The following GPHN variants were observed in gnomAD, a reference collection of about 807,000 sequenced individuals.
GPHN encodes gephyrin.
GPHN carries 17 observed loss-of-function variants against 95.5 expected under a neutral mutation model. That is an observed-to-expected ratio of 0.18 (90% CI 0.12 to 0.27). The LOEUF (loss-of-function observed/expected upper bound fraction) is 0.27, where lower values mean the gene tolerates loss of function less well. GPHN is among the 10% of genes least tolerant of loss of function. The pLI, the probability that GPHN is intolerant of heterozygous loss-of-function variation, is 1.00. For synonymous variants in GPHN, 320 were observed against 322.5 expected, an observed-to-expected ratio of 0.99 and a Z score of 0.08; for missense variants, 660 against 978.1, an observed-to-expected ratio of 0.67 and a Z score of 4.34.
the GPHN span, chr14:67,340,629 A>G: frequency 2.3e-6 from 2 of 886,040 alleles, no homozygotes; most frequent in African/African-American, 1.7e-5. Flanking sequence ...ATTAATGTGC[A>G]TTTAATGCAG....
At chr14:67,565,782 G>A in the GPHN span, among the ~76,000 whole-genome samples, 1 of 152,162 alleles carries the variant, frequency 6.6e-6, no homozygotes, top group African/African-American at 2.4e-5. Context: ...CACTGCTCGG[G>A]AGACCTGTAT....
chr14:66,843,987 TAA>T (rs1410639914), intron 4 of GPHN, among the ~76,000 whole-genome samples: 1 of 152,096 alleles, frequency 6.6e-6, no homozygotes, highest in African/African-American at 2.4e-5. Flanking sequence ...TTTATAAGGA[TAA>T]GTTACTCCTA....
At chr14:67,515,148 G>A in the GPHN span, 4 of 152,484 alleles carry the variant, frequency 2.6e-5, no homozygotes, top group African/African-American at 9.7e-5. Context: ...AGGCGCAGGT[G>A]CGGCTAGGAG....
chr14:67,312,450 TG>T, the GPHN span: 34 of 1,034,064 alleles, frequency 3.3e-5, no homozygotes, highest in Non-Finnish European at 4.1e-5. Flanking sequence ...ATAAAAAATT[TG>T]TAGCATTTAA....
chr14:66,572,459 AT>A (rs2060732715), intron 1 of GPHN, among the ~76,000 whole-genome samples: 1 of 149,980 alleles, frequency 6.7e-6, no homozygotes, highest in Non-Finnish European at 1.5e-5. Flanking sequence ...AGATTTTTCA[AT>A]TCCTTGGTTA....
At chr14:67,299,851 T>C in the GPHN span, among the ~76,000 whole-genome samples, 1 of 152,234 alleles carries the variant, frequency 6.6e-6, no homozygotes, top group African/African-American at 2.4e-5. Flanking sequence ...GTATTTTGTA[T>C]ACCCTTGGTA....
At chr14:66,543,422 T>C (rs1393768748) in intron 1 of GPHN, among the ~76,000 whole-genome samples, 1 of 152,186 alleles carries the variant, frequency 6.6e-6, no homozygotes, top group African/African-American at 2.4e-5. Flanking sequence ...TGTTATACTT[T>C]AAAAAAATCT....
At chr14:67,384,982 T>C in the GPHN span, 1 of 152,336 alleles carries the variant, frequency 6.6e-6, no homozygotes, top group South Asian at 2.1e-4. Context: ...ATTTTTTCTT[T>C]TGATTTTGTT....
chr14:66,611,882 T>C (rs2062798210), intron 1 of GPHN, among the ~76,000 whole-genome samples: 1 of 152,166 alleles, frequency 6.6e-6, no homozygotes, highest in Admixed American at 6.5e-5. Flanking sequence ...TGAAAGTTTC[T>C]AAAGTTTAGC....
chr14:66,747,997 A>G (rs1489099744), intron 2 of GPHN, among the ~76,000 whole-genome samples: 3 of 152,124 alleles, frequency 2.0e-5, no homozygotes, highest in African/African-American at 7.2e-5. Context: ...AAGTAGGATC[A>G]TGTGCCATTA....
the GPHN span, chr14:67,724,416 T>G: frequency 2.7e-6 from 3 of 1,094,164 alleles, no homozygotes; most frequent in Non-Finnish European, 2.8e-6. Context: ...TTTTAACGTA[T>G]CTTAGTGTGA....
chr14:67,513,686 G>T, the GPHN span, among the ~76,000 whole-genome samples: 1 of 152,172 alleles, frequency 6.6e-6, no homozygotes, highest in Non-Finnish European at 1.5e-5. Context: ...TGTATCATTA[G>T]GTCATTCACA....
At chr14:67,668,113 G>T in the GPHN span, among the ~76,000 whole-genome samples, 27 of 152,210 alleles carry the variant, frequency 1.8e-4, no homozygotes, top group African/African-American at 6.0e-4. Context: ...TGATCTAAAT[G>T]ATTTAAAATG....
In GPHN at chr14:66,718,611, AGTGCTG is replaced by A. The variant is rs1253452750; in HGVS notation, c.143+37427_143+37432del. On this transcript the variant is annotated intron_variant, in intron 2 of 22. Coordinates refer to ENST00000478722, the MANE Select transcript of GPHN (RefSeq NM_020806.5). ...TCCTGCTGATTGGTCCATTTTACAGAGTGCTGATTGGTGCGTTTACAATCCTTTAGC... is the reference window on the plus strand; with the variant it reads ...TCCTGCTGATTGGTCCATTTTACAGAATTGGTGCGTTTACAATCCTTTAGC... Among the ~76,000 whole-genome samples the A allele has an allele frequency of 3.3e-5, 5 of 151,962 alleles. No individual in the cohort carries two copies. The East Asian group carries it at 7.7e-4, about 24-fold the overall frequency.
chr14:67,615,043 GCA>G, the GPHN span: 1 of 151,976 alleles, frequency 6.6e-6, no homozygotes, highest in Non-Finnish European at 1.5e-5. Context: ...ACAACTCCCA[GCA>G]ACCTATTAAG....
the GPHN span, among the ~76,000 whole-genome samples, chr14:67,235,250 C>T: frequency 6.6e-6 from 1 of 151,918 alleles, no homozygotes; most frequent in East Asian, 1.9e-4. Context: ...TGAAATTTTT[C>T]ACACAAAACA....
intron 2 of GPHN, among the ~76,000 whole-genome samples, chr14:66,773,513 C>G (rs925028128): frequency 2.6e-5 from 4 of 151,930 alleles, no homozygotes; most frequent in Non-Finnish European, 5.9e-5. Flanking sequence ...GCCACCACGC[C>G]CAGCTAATTT....
At chr14:67,541,029 C>T in the GPHN span, among the ~76,000 whole-genome samples, 1 of 152,160 alleles carries the variant, frequency 6.6e-6, no homozygotes, top group Admixed American at 6.5e-5. Flanking sequence ...CCAGAGGTTG[C>T]AGCAAAATAT....
At chr14:67,359,886 G>T in the GPHN span, 9 of 660,984 alleles carry the variant, frequency 1.4e-5, no homozygotes, top group East Asian at 5.5e-5. Flanking sequence ...GGCGACGAAG[G>T]GGGAGGACAG....
Sources: allele counts gnomAD v4.1 joint callset (sites outside exome capture counted in the v4.1 genomes callset), GRCh38; gene constraint gnomAD v4.1.1; transcripts MANE v1.5; gene names NCBI Gene and HGNC (gene_info 2026-07-23, HGNC 2026-07-21).